The following DCAF1 variants were observed in gnomAD, a reference collection of about 807,000 sequenced individuals.
DCAF1 encodes DDB1 and CUL4 associated factor 1.
In DCAF1, 15 loss-of-function variants were observed where a neutral mutation model predicts 128.0. The ratio of observed to expected loss-of-function variants is 0.12; its 90% CI spans 0.08 to 0.18. The LOEUF is 0.18. Ranked by LOEUF, DCAF1 falls within the 10% of genes least tolerant of loss-of-function variation. The pLI, the probability that DCAF1 is intolerant of heterozygous loss-of-function variation, is 1.00. For synonymous variants in DCAF1, 610 were observed against 603.0 expected (o/e 1.01, Z -0.17); for missense variants, 988 against 1,649.5 (o/e 0.60, Z 6.95).
chr3:51,405,622 T>C (rs1194627752), intron 23 of DCAF1, among the ~76,000 whole-genome samples: 2 of 152,222 alleles, frequency 1.3e-5, no homozygotes, highest in African/African-American at 4.8e-5. Context: ...ATGCATTTTG[T>C]CACACATGGA....
intron 18 of DCAF1, among the ~76,000 whole-genome samples, chr3:51,416,427 T>C (rs1698885913): frequency 6.6e-6 from 1 of 152,174 alleles, no homozygotes; most frequent in Non-Finnish European, 1.5e-5. Context: ...TTCCTACCTC[T>C]TACCCTGCTT....
intron 5 of DCAF1, among the ~76,000 whole-genome samples, chr3:51,465,275 C>G (rs1238419429): frequency 1.3e-5 from 2 of 152,022 alleles, no homozygotes; most frequent in Non-Finnish European, 2.9e-5. Flanking sequence ...ACAAGGACAT[C>G]GTTACTGAGC....
intron 6 of DCAF1, among the ~76,000 whole-genome samples, chr3:51,444,199 C>T (rs558819352): frequency 3.5e-4 from 53 of 152,152 alleles, no homozygotes; most frequent in African/African-American, 1.2e-3. Context: ...GAATATAGTC[C>T]TAATCTAGAT....
chr3:51,417,488 A>C (rs1330567167), intron 17 of DCAF1, among the ~76,000 whole-genome samples: 2 of 151,618 alleles, frequency 1.3e-5, no homozygotes, highest in Non-Finnish European at 2.9e-5. Context: ...TGGGAGGCCA[A>C]GGCCAGCGGA....
rs546373308 is a variant in DCAF1, at chr3:51,403,234, A to C, written c.4374T>G (p.Asp1458Glu). The C allele has an allele frequency of 1.1e-4, 171 of 1,613,832 alleles. No homozygotes were observed. In the South Asian group the frequency reaches 1.8e-3, roughly 17 times the overall value. ...EDGDNDFSPSDEELANLLEEG... is the reference protein window; with the variant it reads ...EDGDNDFSPSEEELANLLEEG... ...CCTCTAGAAGGTTTGCTAGCTCCTC[A>C]TCAGAGGGAGAGAAGTCATTGTCCC... is the stretch of plus-strand genomic sequence containing the variant. Residue 1458 changes from aspartate to glutamate, a missense_variant, in exon 24 of 25, where the codon GAT becomes GAG. Transcript: ENST00000684031.
chr3:51,505,463 C>T, the DCAF1 span, among the ~76,000 whole-genome samples: 1 of 152,108 alleles, frequency 6.6e-6, no homozygotes, highest in East Asian at 1.9e-4. Flanking sequence ...CCCAGTTAGG[C>T]CTGGGAGCCA....
chr3:51,473,731 C>T (rs2108260747), intron 3 of DCAF1, among the ~76,000 whole-genome samples: 1 of 152,100 alleles, frequency 6.6e-6, no homozygotes, highest in African/African-American at 2.4e-5. Context: ...TGACCTCGAA[C>T]TCCTGGGCTC....
intron 22 of DCAF1, among the ~76,000 whole-genome samples, chr3:51,412,779 G>A (rs1553628908): frequency 2.0e-5 from 3 of 152,072 alleles, no homozygotes; most frequent in African/African-American, 7.2e-5. Context: ...AAAGGAGACA[G>A]GATCCTCTAA....
At chr3:51,440,922 A>G (rs1553638427) in intron 9 of DCAF1, 48 bp downstream of exon 9, 1 of 1,480,234 alleles carries the variant, frequency 6.8e-7, no homozygotes, top group Admixed American at 2.1e-5. Flanking sequence ...AAAAAAAAAC[A>G]AAGTTTTTAA....
upstream of DCAF1, among the ~76,000 whole-genome samples, chr3:51,502,695 A>G (rs1428571469): frequency 2.0e-5 from 3 of 151,976 alleles, no homozygotes; most frequent in Non-Finnish European, 4.4e-5. Context: ...GGAGGAGACA[A>G]ACAAGGCCTC....
chr3:51,457,997 T>C (rs529770946), intron 6 of DCAF1, among the ~76,000 whole-genome samples: 2 of 152,290 alleles, frequency 1.3e-5, no homozygotes, highest in African/African-American at 2.4e-5. Context: ...AGGAAGAAAC[T>C]GCATCAACTA....
At chr3:51,454,036 C>A (rs1157007956) in intron 6 of DCAF1, among the ~76,000 whole-genome samples, 2 of 151,746 alleles carry the variant, frequency 1.3e-5, no homozygotes, top group Non-Finnish European at 2.9e-5. Flanking sequence ...ATTTACATTA[C>A]GTCTAAAACT....
In DCAF1 at chr3:51,432,469, T is replaced by C. The variant is rs1414857899; in HGVS notation, c.1287+637A>G. On this transcript the variant is annotated intron_variant, in intron 10 of 24. Coordinates refer to ENST00000684031, the MANE Select transcript of DCAF1 (RefSeq NM_001387579.1). ...AGAGACTAGGTCTGTTGTGTGTTTT[T>C]TTTTTTTTAAACGGAGTCTTGCTCT... Among the ~76,000 whole-genome samples the C allele has an allele frequency of 7.9e-4, 120 of 151,474 alleles. 1 individual carries two copies. Among genetic ancestry groups the C allele is most frequent in the African/African-American group, 2.8e-3 (116 of 41,400 alleles).
chr3:51,426,967 G>C (rs1553634201), intron 13 of DCAF1, among the ~76,000 whole-genome samples: 3 of 152,128 alleles, frequency 2.0e-5, no homozygotes. Flanking sequence ...CGAATTCCAA[G>C]AGTAAAAGGA....
In DCAF1 at chr3:51,414,048, G is replaced by A. The variant is rs781948576; in HGVS notation, c.3838-5C>T. 1 of 1,595,756 alleles carries A rather than the reference G, an allele frequency of 6.3e-7. No homozygotes were observed. Among genetic ancestry groups the A allele is most frequent in the Non-Finnish European group, 8.5e-7 (1 of 1,171,896 alleles). On this transcript the variant is annotated splice_polypyrimidine_tract_variant and splice_region_variant and intron_variant, in intron 19 of 24. Transcript: ENST00000684031. ...ATGAAAAGTTCGAAGGTCCCACTAG[G>A]AGGGGAATGGTCAAGGAAAACTATT...
chr3:51,411,697 T>C (rs1295533424), intron 23 of DCAF1, among the ~76,000 whole-genome samples: 2 of 152,184 alleles, frequency 1.3e-5, no homozygotes, highest in African/African-American at 4.8e-5. Flanking sequence ...CAGAACTTTA[T>C]AAAGGTTAAG....
chr3:51,406,307 C>CA (rs1553626607), intron 23 of DCAF1, among the ~76,000 whole-genome samples: 1 of 130,454 alleles, frequency 7.7e-6, no homozygotes, highest in African/African-American at 2.9e-5. Context: ...CGCGCCACTG[C>CA]ACTCCAACCT....
At chr3:51,423,516 A>AT (rs1559494254) in intron 13 of DCAF1, among the ~76,000 whole-genome samples, 2 of 151,556 alleles carry the variant, frequency 1.3e-5, no homozygotes, top group African/African-American at 4.8e-5. Flanking sequence ...AAAAAAAAAA[A>AT]AGAAAAGAAA....
chr3:51,396,385 C>T (rs2089205883), downstream of DCAF1: 1 of 167,756 alleles, frequency 6.0e-6, no homozygotes, highest in South Asian at 2.1e-4. Context: ...CCACTTCCTT[C>T]CTTTGGCTCT....
Sources: allele counts gnomAD v4.1 joint callset (sites outside exome capture counted in the v4.1 genomes callset), GRCh38; gene constraint gnomAD v4.1.1; transcripts MANE v1.5; gene names NCBI Gene and HGNC (gene_info 2026-07-23, HGNC 2026-07-21).